Variants in STAU2 observed in about 807,000 individuals in gnomAD.
STAU2 encodes the protein staufen double-stranded RNA binding protein 2.
STAU2 carries 20 observed loss-of-function variants against 65.9 expected under a neutral mutation model. The ratio of observed to expected loss-of-function variants is 0.30; its 90% CI spans 0.21 to 0.44. The LOEUF is 0.44. STAU2 is among the 20% of genes least tolerant of loss of function. STAU2 has a pLI of 1.00. For synonymous variants in STAU2, 232 were observed against 233.9 expected (o/e 0.99, Z 0.07); for missense variants, 558 against 683.9 (o/e 0.82, Z 2.05).
chr8:73,745,624 T>C (rs1288240879), intron 1 of STAU2, among the ~76,000 whole-genome samples: 2 of 152,242 alleles, frequency 1.3e-5, no homozygotes, highest in Non-Finnish European at 2.9e-5. Context: ...AAAATATCTT[T>C]AAAGGATCAT....
intron 13 of STAU2, among the ~76,000 whole-genome samples, chr8:73,526,585 C>T (rs528029128): frequency 2.6e-5 from 4 of 152,192 alleles, no homozygotes; most frequent in Non-Finnish European, 4.4e-5. Flanking sequence ...TACTGAAAAA[C>T]GGATATAAAG....
At chr8:73,526,733 T>G (rs897986745) in intron 13 of STAU2, among the ~76,000 whole-genome samples, 2 of 152,216 alleles carry the variant, frequency 1.3e-5, no homozygotes, top group East Asian at 1.9e-4. Flanking sequence ...TAGTCTAAAG[T>G]GATTATTTTA....
intron 5 of STAU2, among the ~76,000 whole-genome samples, chr8:73,683,428 C>A (rs1818571528): frequency 6.6e-6 from 1 of 152,060 alleles, no homozygotes; most frequent in African/African-American, 2.4e-5. Context: ...GATTAAAACC[C>A]TCAGCAAAAT....
chr8:73,478,954 G>C (rs1226467196), intron 13 of STAU2, among the ~76,000 whole-genome samples: 3 of 152,070 alleles, frequency 2.0e-5, no homozygotes, highest in African/African-American at 7.2e-5. Context: ...TCAGTTGCCT[G>C]AACCTTGGTT....
At chr8:73,636,926 T>C (rs1449169500) in intron 6 of STAU2, among the ~76,000 whole-genome samples, 1 of 149,812 alleles carries the variant, frequency 6.7e-6, no homozygotes, top group Non-Finnish European at 1.5e-5. Context: ...AAAGAAAATA[T>C]GCTTTTAATG....
chr8:73,648,253 A>G (rs1351142527), intron 6 of STAU2, among the ~76,000 whole-genome samples: 1 of 152,174 alleles, frequency 6.6e-6, no homozygotes, highest in Admixed American at 6.5e-5. Context: ...TTTCATGGTG[A>G]TTTTTATTCT....
chr8:73,676,119 C>T (rs575917479), intron 5 of STAU2, among the ~76,000 whole-genome samples: 2 of 152,008 alleles, frequency 1.3e-5, no homozygotes, highest in South Asian at 4.2e-4. Flanking sequence ...TAATATATTC[C>T]CAATTACTAA....
chr8:73,482,997 T>C (rs1197427552), intron 13 of STAU2, among the ~76,000 whole-genome samples: 10 of 152,046 alleles, frequency 6.6e-5, no homozygotes, highest in Non-Finnish European at 1.5e-5. Flanking sequence ...CCAAAAATAA[T>C]ATTTAATATT....
intron 11 of STAU2, chr8:73,590,984 T>C (rs925609146): frequency 3.3e-5 from 5 of 152,074 alleles, no homozygotes; most frequent in Non-Finnish European, 5.9e-5. Context: ...GCTGAGAGAA[T>C]GCACTGCCTA....
chr8:73,595,247 T>C lies in STAU2; in HGVS notation c.1080A>G (p.Ile360Met). ...VATGTGPNKKIAKKNAAEAML... is the reference protein window; with the variant it reads ...VATGTGPNKKMAKKNAAEAML... Reference sequence around the variant, plus strand: ...TTGCTTCTGCAGCATTTTTTTTGGCTATCTTTTTATTAGGTCCTGTTCCTG... The same window carrying C: ...TTGCTTCTGCAGCATTTTTTTTGGCCATCTTTTTATTAGGTCCTGTTCCTG... The change falls in exon 11 of 15, where the codon ATA becomes ATG. Residue 360 changes from isoleucine (I) to methionine (M), a missense_variant. Ile to Met is a conservative substitution (Grantham distance 10). This residue lies in a region of STAU2 where 247 missense variants were observed against 270.1 expected (regional missense o/e 0.91). Coordinates refer to ENST00000524300, the MANE Select transcript of STAU2 (RefSeq NM_001164380.2). 6.2e-7 allele frequency: 1 copy of C among 1,612,370 alleles called. No individual in the cohort carries two copies. The highest frequency in any genetic ancestry group is 1.1e-5 in the South Asian group (1 of 90,804).
intron 3 of STAU2, among the ~76,000 whole-genome samples, chr8:73,729,832 C>G (rs1324614117): frequency 6.6e-6 from 1 of 152,096 alleles, no homozygotes; most frequent in East Asian, 1.9e-4. Flanking sequence ...CATAAAATTG[C>G]TCACAGTATT....
At chr8:73,545,644 T>C (rs1359369331) in intron 13 of STAU2, among the ~76,000 whole-genome samples, 4 of 151,684 alleles carry the variant, frequency 2.6e-5, no homozygotes, top group African/African-American at 9.7e-5. Context: ...TCTTTTTTTT[T>C]TTTTTTTAAT....
At chr8:73,562,440 G>A (rs934973094) in intron 12 of STAU2, among the ~76,000 whole-genome samples, 2 of 152,106 alleles carry the variant, frequency 1.3e-5, no homozygotes, top group Admixed American at 6.6e-5. Context: ...GAGCTATAAT[G>A]GCAACTCTGC....
intron 4 of STAU2, among the ~76,000 whole-genome samples, chr8:73,695,775 T>C (rs1056883666): frequency 3.3e-5 from 5 of 151,720 alleles, no homozygotes; most frequent in African/African-American, 1.2e-4. Flanking sequence ...CAAGGAGAGG[T>C]TCCTCTGCCT....
chr8:73,715,458 AAAAAAAAAG>A (rs1408903068), intron 3 of STAU2, among the ~76,000 whole-genome samples: 1 of 146,496 alleles, frequency 6.8e-6, no homozygotes, highest in African/African-American at 2.5e-5. Flanking sequence ...TGTCAAAAAA[AAAAAAAAAG>A]AAAGAAAGAA....
chr8:73,631,531 T>A (rs1348875994), intron 6 of STAU2, among the ~76,000 whole-genome samples: 1 of 152,050 alleles, frequency 6.6e-6, no homozygotes, highest in Admixed American at 6.5e-5. Flanking sequence ...AAATAATAAA[T>A]AACATTACTA....
intron 13 of STAU2, among the ~76,000 whole-genome samples, chr8:73,452,338 C>A (rs1380866703): frequency 6.6e-6 from 1 of 152,174 alleles, no homozygotes; most frequent in Non-Finnish European, 1.5e-5. Context: ...TTTGCAGCAC[C>A]TGGTCAGGGC....
chr8:73,603,975 G>A, intron 9 of STAU2, 112 bp from the exon 10 acceptor site: 3 of 1,162,338 alleles, frequency 2.6e-6, no homozygotes, highest in Non-Finnish European at 3.5e-6. Context: ...ACTGTGACTA[G>A]AAAAGATAAA....
At chr8:73,489,898 T>A (rs1400933886) in intron 13 of STAU2, among the ~76,000 whole-genome samples, 1 of 151,992 alleles carries the variant, frequency 6.6e-6, no homozygotes, top group East Asian at 1.9e-4. Context: ...GGTCTATTGT[T>A]CAGGAAGTAA....
Sources: gnomAD v4.1 joint callset for allele counts (sites outside exome capture counted in the v4.1 genomes callset) on GRCh38, gnomAD v4.1.1 for gene constraint, gnomAD v4.1.1 regional missense constraint, MANE v1.5 for transcripts, NCBI Gene and HGNC (gene_info 2026-07-23, HGNC 2026-07-21) for gene names.